The following CGAS variants were observed in gnomAD, a reference collection of about 807,000 sequenced individuals.
CGAS encodes the protein 2'3'-cGAMP synthase.
Under a neutral mutation model 34.0 loss-of-function variants are expected in CGAS, and 31 were observed. That is an observed-to-expected ratio of 0.91 (90% CI 0.69 to 1.23). CGAS has a LOEUF of 1.23. Among genes scored for constraint, CGAS ranks in the 50% most tolerant of loss-of-function variants. The pLI is 0.00. For synonymous variants in CGAS, 266 were observed against 260.0 expected (o/e 1.02, Z -0.22); for missense variants, 597 against 657.6 (o/e 0.91, Z 1.01).
chr6:73,429,078 T>TA (rs1770137798), intron 3 of CGAS, among the ~76,000 whole-genome samples: 1 of 151,458 alleles, frequency 6.6e-6, no homozygotes, highest in African/African-American at 2.4e-5. Flanking sequence ...TAATCCCAGC[T>TA]ACTCGGGAGG....
intron 4 of CGAS, among the ~76,000 whole-genome samples, chr6:73,426,028 T>A (rs1452913803): frequency 6.6e-6 from 1 of 151,328 alleles, no homozygotes; most frequent in African/African-American, 2.4e-5. Flanking sequence ...CTCATGCCTG[T>A]AATCCCAGCA....
chr6:73,427,936 C>G (rs1770116382), intron 4 of CGAS, among the ~76,000 whole-genome samples: 1 of 152,080 alleles, frequency 6.6e-6, no homozygotes, highest in South Asian at 2.1e-4. Context: ...CCTCAGCCTT[C>G]CAAGTAGCTG....
chr6:73,441,090 T>C (rs75020934), intron 2 of CGAS, among the ~76,000 whole-genome samples: 19,021 of 150,420 alleles, frequency 0.13, 1,525 homozygotes, highest in South Asian at 0.19. Context: ...TTCTTTTTTT[T>C]TTTTTTTGAG....
intron 2 of CGAS, 23 bp downstream of exon 2, chr6:73,445,505 G>T: frequency 6.5e-7 from 1 of 1,534,814 alleles, no homozygotes; most frequent in Non-Finnish European, 8.9e-7. Context: ...AAACCTTTAA[G>T]AATCAAAAGG....
At chr6:73,447,440 C>T (rs1317662226) in intron 1 of CGAS, among the ~76,000 whole-genome samples, 3 of 152,038 alleles carry the variant, frequency 2.0e-5, no homozygotes, top group South Asian at 2.1e-4. Context: ...CGCACCAACA[C>T]GCCCAGCTAA....
Position 73,429,230 on chromosome 6 carries a change from A to G in CGAS, c.1115-419T>C, listed in dbSNP as rs575872810. Among the ~76,000 whole-genome samples, 67 of 152,046 alleles carry G rather than the reference A, an allele frequency of 4.4e-4. 1 individual carries two copies. In the South Asian group the frequency reaches 0.014, roughly 32 times the overall value. The stretch of plus-strand genomic sequence containing the variant: ...AGAAAGAAAAAGAAAATATTCTGAA[A>G]AAATCTTAGGAGTGAATCAAAAGAA... On this transcript the variant is annotated intron_variant, in intron 3 of 4. Transcript: ENST00000370315.
In CGAS at chr6:73,447,884, C is replaced by T. The variant is rs1770495478; in HGVS notation, c.658-2137G>A. ...TTGCTAATTTACTAATTATTTCCAA[C>T]AGTTTATATGTGAAGCCAATCAAGT... On this transcript the variant is annotated intron_variant, in intron 1 of 4. Coordinates refer to ENST00000370315, the MANE Select transcript of CGAS (RefSeq NM_138441.3). 5.3e-5 allele frequency among the ~76,000 whole-genome samples: 8 copies of T among 151,960 alleles called. No homozygotes were observed. The South Asian group carries it at 1.7e-3, about 32-fold the overall frequency.
chr6:73,434,459 T>C (rs533271023), intron 3 of CGAS, among the ~76,000 whole-genome samples: 22 of 152,096 alleles, frequency 1.4e-4, no homozygotes, highest in African/African-American at 3.9e-4. Flanking sequence ...AGAAACATAA[T>C]AAAGAAATCT....
intron 1 of CGAS, among the ~76,000 whole-genome samples, chr6:73,449,075 C>G (rs922344528): frequency 6.7e-6 from 1 of 149,340 alleles, no homozygotes; most frequent in Non-Finnish European, 1.5e-5. Flanking sequence ...GGTGACAGAG[C>G]AAGACTCCAT....
intron 4 of CGAS, among the ~76,000 whole-genome samples, 165 bp from the exon 5 acceptor site, chr6:73,425,743 G>C (rs1320886355): frequency 1.3e-5 from 2 of 152,236 alleles, no homozygotes; most frequent in Non-Finnish European, 2.9e-5. Flanking sequence ...GGGAGGCTGA[G>C]GCAGGGGGAT....
In CGAS at chr6:73,445,691, T is replaced by C. The variant is rs771654597; in HGVS notation, c.714A>G (p.Gln238=). The C allele has an allele frequency of 3.1e-6, 5 of 1,612,432 alleles. No homozygotes were observed. The highest frequency in any genetic ancestry group is 3.3e-4 in the Middle Eastern group (2 of 6,080). Residue 238 remains glutamine (Q), a synonymous_variant, in exon 2 of 5, where the codon CAA becomes CAG. Coordinates refer to ENST00000370315, the MANE Select transcript of CGAS (RefSeq NM_138441.3). ...VMFKLEVPRI[Q]LEEYSNTRAY... ...CACGAGTGTTGGAATATTCTTCTAG[T>C]TGAATTCTGGGGACTTCCAGTTTAA...
At position 73,424,793 on chromosome 6, in the gene CGAS, TTTG is replaced by T. The variant is rs1050076315; in HGVS notation, c.*431_*433del. 2.0e-5 allele frequency: 3 copies of T among 152,138 alleles called. No homozygotes were observed. Among genetic ancestry groups the T allele is most frequent in the Admixed American group, 6.6e-5 (1 of 15,256 alleles). The allele number at this position is 152,138 out of a possible 1,614,324, so 9.4% of individuals were successfully genotyped here. ...ATTCCAATTATTACAGTCACTAATTTTTGTTATTTTGTTGCTTTTCTAAAAAAT... is the reference window on the plus strand; with the variant it reads ...ATTCCAATTATTACAGTCACTAATTTTTATTTTGTTGCTTTTCTAAAAAAT... On this transcript the variant is annotated 3_prime_UTR_variant, in exon 5 of 5. Coordinates refer to ENST00000370315, the MANE Select transcript of CGAS (RefSeq NM_138441.3).
chr6:73,435,947 A>G (rs1193817534), intron 3 of CGAS, among the ~76,000 whole-genome samples: 1 of 152,140 alleles, frequency 6.6e-6, no homozygotes, highest in Non-Finnish European at 1.5e-5. Context: ...AACAGCTTAT[A>G]ATTTTTTTGC....
At position 73,428,768 on chromosome 6, in the gene CGAS, A is replaced by G; in HGVS notation, c.1158T>C (p.Ile386=). The change falls in exon 4 of 5, where the codon ATT becomes ATC. Residue 386 remains isoleucine, a synonymous_variant. Transcript: ENST00000370315. ...RLSFSHIEKE[I]LNNHGKSKTC... is the part of the protein sequence containing the mutation. ...TTTTAGATTTTCCATGATTGTTCAAAATTTCCTTTTCGATGTGAGAGAAGG... is the reference window on the plus strand; with the variant it reads ...TTTTAGATTTTCCATGATTGTTCAAGATTTCCTTTTCGATGTGAGAGAAGG... The G allele has an allele frequency of 7.4e-6, 12 of 1,613,872 alleles. No homozygotes were observed. The highest frequency in any genetic ancestry group is 1.3e-5 in the African/African-American group (1 of 75,030).
At chr6:73,430,664 GA>G (rs560241382) in intron 3 of CGAS, among the ~76,000 whole-genome samples, 73 of 144,336 alleles carry the variant, frequency 5.1e-4, no homozygotes, top group East Asian at 1.2e-3. Flanking sequence ...AATGAAAAAA[GA>G]AAAAAAAAAT....
At chr6:73,447,987 T>C (rs1770496722) in intron 1 of CGAS, among the ~76,000 whole-genome samples, 1 of 152,248 alleles carries the variant, frequency 6.6e-6, no homozygotes, top group Admixed American at 6.5e-5. Context: ...ATCAGCTGTA[T>C]GTATTCCTTT....
At chr6:73,433,262 T>C (rs1770222438) in intron 3 of CGAS, among the ~76,000 whole-genome samples, 1 of 151,160 alleles carries the variant, frequency 6.6e-6, no homozygotes, top group Non-Finnish European at 1.5e-5. Flanking sequence ...CTCTCTCCCA[T>C]GTTTTTTTTT....
intron 2 of CGAS, 95 bp from the exon 3 acceptor site, chr6:73,440,540 G>A: frequency 1.8e-6 from 2 of 1,091,056 alleles, no homozygotes; most frequent in South Asian, 3.1e-5. Flanking sequence ...AAGATCTCTG[G>A]TGTGCTAAGT....
intron 2 of CGAS, among the ~76,000 whole-genome samples, chr6:73,441,419 G>C (rs1770378977): frequency 6.6e-6 from 1 of 152,164 alleles, no homozygotes; most frequent in South Asian, 2.1e-4. Flanking sequence ...ACACGGGGAA[G>C]AAGTGAGAGC....
Sources: allele counts gnomAD v4.1 joint callset (sites outside exome capture counted in the v4.1 genomes callset), GRCh38; gene constraint gnomAD v4.1.1; transcripts MANE v1.5; gene names NCBI Gene and HGNC (gene_info 2026-07-23, HGNC 2026-07-21).